The following RPS29 variants were observed in gnomAD, a reference collection of about 807,000 sequenced individuals.
RPS29 encodes ribosomal protein S29.
For missense variants in RPS29, 60 were observed against 75.7 expected (o/e 0.79, Z 0.77); for synonymous variants, 37 against 26.9 (o/e 1.37, Z -1.16).
rs543157798 is a variant in RPS29 at position 49,598,386 on chromosome 14, C to G, written c.-133+14G>C. 31 of 677,880 alleles carry G rather than the reference C, an allele frequency of 4.6e-5. 1 individual carries two copies. Among genetic ancestry groups the G allele is most frequent in the Admixed American group, 1.4e-4 (7 of 48,518 alleles). The allele number at this position is 677,880 out of a possible 1,614,324, so 42.0% of individuals were successfully genotyped here. A position where few individuals can be genotyped will look rare whatever the true frequency, so the allele number is the denominator to read the frequency against. On this transcript the variant is annotated intron_variant, in intron 1 of 3. Transcript: ENST00000556230. ...CTCAGGTGCAGTTAAGCCAGTCACA[C>G]TCCATCCACCTACCCGCCATGAAAA...
At chr14:49,588,491 C>T (rs1423212387), upstream of RPS29, among the ~76,000 whole-genome samples, 3 of 152,020 alleles carry the variant, frequency 2.0e-5, no homozygotes, top group Non-Finnish European at 4.4e-5. Context: ...TTCATTTTAA[C>T]TCGGTGTTTA....
chr14:49,577,397 C>A, exon 3 of RPS29: 1 of 213,744 alleles, frequency 4.7e-6, no homozygotes, highest in Non-Finnish European at 9.4e-6. Context: ...ACTGTCTATT[C>A]ACTTTCTGCA....
downstream of RPS29, among the ~76,000 whole-genome samples, chr14:49,580,514 TC>T (rs1169828296): frequency 1.3e-5 from 2 of 152,160 alleles, no homozygotes; most frequent in Non-Finnish European, 2.9e-5. Context: ...AACTCCAGTA[TC>T]CCTAACTTCT....
chr14:49,580,003 C>A (rs1881291411), downstream of RPS29, among the ~76,000 whole-genome samples: 1 of 152,180 alleles, frequency 6.6e-6, no homozygotes, highest in African/African-American at 2.4e-5. Context: ...GTGCATAAAG[C>A]ACTTAGACCA....
At chr14:49,588,800 A>G (rs1881647857), upstream of RPS29, among the ~76,000 whole-genome samples, 2 of 145,630 alleles carry the variant, frequency 1.4e-5, no homozygotes, top group South Asian at 4.8e-4. Flanking sequence ...AACTGCTGGG[A>G]TTACAGGAGT....
At chr14:49,590,102 G>C (rs1290970930), upstream of RPS29, among the ~76,000 whole-genome samples, 1 of 152,170 alleles carries the variant, frequency 6.6e-6, no homozygotes, top group African/African-American at 2.4e-5. Context: ...TTATTACCTG[G>C]GTGATGAAAT....
At chr14:49,582,605 A>G (rs982578137), downstream of RPS29, among the ~76,000 whole-genome samples, 1 of 152,248 alleles carries the variant, frequency 6.6e-6, no homozygotes, top group African/African-American at 2.4e-5. Flanking sequence ...TGCATCTGGC[A>G]TACAGAACTC....
exon 1 of RPS29, chr14:49,598,448 G>A (rs1385260105): frequency 3.0e-5 from 21 of 702,082 alleles, no homozygotes; most frequent in Non-Finnish European, 5.5e-5. Context: ...GTCAAATACA[G>A]CCATATAAAG....
chr14:49,583,092 ACCTCCCAAAGTG>A (rs1221015885), downstream of RPS29, among the ~76,000 whole-genome samples: 3 of 151,962 alleles, frequency 2.0e-5, no homozygotes, highest in African/African-American at 7.3e-5. Context: ...TTCCACTCTG[ACCTCCCAAAGTG>A]CTGGGATTAC....
exon 1 of RPS29, chr14:49,598,439 T>C (rs1344392810): frequency 4.3e-6 from 3 of 701,828 alleles, no homozygotes; most frequent in Non-Finnish European, 7.8e-6. Context: ...AATTGCCAAG[T>C]CAAATACAGC....
Position 49,585,934 on chromosome 14 carries a change from G to A in RPS29, c.162+16C>T, listed in dbSNP as rs765414954. On this transcript the variant is annotated intron_variant, in intron 2 of 2. Coordinates refer to ENST00000245458, the MANE Select transcript of RPS29 (RefSeq NM_001032.5). ...TCTCTGCCCAAACAACATGGAGTAC[G>A]CCTGCAGACGCCTACCTTAATGAAA... 4 of 1,594,860 alleles carry A rather than the reference G, an allele frequency of 2.5e-6. No homozygotes were observed. Among genetic ancestry groups the A allele is most frequent in the Non-Finnish European group, 3.4e-6 (4 of 1,163,052 alleles).
intron 2 of RPS29, chr14:49,585,561 C>A (rs1402633472): frequency 1.8e-5 from 5 of 282,426 alleles, no homozygotes; most frequent in East Asian, 6.1e-5. Context: ...TCAACCTGGG[C>A]GACAGAGGGA....
intron 1 of RPS29, among the ~76,000 whole-genome samples, chr14:49,591,388 G>C (rs1362560400): frequency 6.6e-6 from 1 of 151,792 alleles, no homozygotes; most frequent in Non-Finnish European, 1.5e-5. Context: ...TCTCAGCTCA[G>C]GGCAACCTCC....
chr14:49,586,594 C>G (rs752724476), upstream of RPS29: 2 of 525,804 alleles, frequency 3.8e-6, no homozygotes, highest in Non-Finnish European at 6.9e-6. Context: ...GGCGCGGTGG[C>G]GCGTGCCTGT....
At chr14:49,598,270 C>T (rs1046393916) in intron 1 of RPS29, 15 of 594,868 alleles carry the variant, frequency 2.5e-5, no homozygotes, top group Non-Finnish European at 3.9e-5. Flanking sequence ...CCAGGCGCTT[C>T]CCACTCCCCA....
intron 2 of RPS29, among the ~76,000 whole-genome samples, chr14:49,584,591 C>T (rs1187134586): frequency 6.6e-6 from 1 of 152,024 alleles, no homozygotes; most frequent in Non-Finnish European, 1.5e-5. Context: ...ATGGTGAAAT[C>T]CCATCTCCAC....
upstream of RPS29, chr14:49,586,433 G>T (rs181322647): frequency 4.3e-4 from 528 of 1,217,656 alleles, 2 homozygotes; most frequent in Middle Eastern, 4.5e-3. Flanking sequence ...TACCCAGAAT[G>T]CAGTGCTCAA....
At chr14:49,572,402 G>A (rs918561419) in exon 3 of RPS29, 1 of 152,210 alleles carries the variant, frequency 6.6e-6, no homozygotes, top group Non-Finnish European at 1.5e-5. Context: ...TATACCGGTT[G>A]AGGTCAGAAT....
intron 1 of RPS29, among the ~76,000 whole-genome samples, chr14:49,591,574 A>G (rs1162303005): frequency 6.6e-6 from 1 of 150,762 alleles, no homozygotes; most frequent in Admixed American, 6.6e-5. Flanking sequence ...AGCCTCCCAA[A>G]GTGCTGGGAT....
Sources: allele counts gnomAD v4.1 joint callset (sites outside exome capture counted in the v4.1 genomes callset), GRCh38; gene constraint gnomAD v4.1.1; transcripts MANE v1.5; gene names NCBI Gene and HGNC (gene_info 2026-07-23, HGNC 2026-07-21).